The following VPS13B variants were observed in gnomAD, a reference collection of about 807,000 sequenced individuals.
The protein encoded by VPS13B is intermembrane lipid transfer protein VPS13B.
In VPS13B, 285 loss-of-function variants were observed where a neutral mutation model predicts 426.4. The ratio of observed to expected loss-of-function variants is 0.67; its 90% CI spans 0.61 to 0.74. The LOEUF is 0.74. Ranked by LOEUF, VPS13B falls within the 30% of genes least tolerant of loss-of-function variation. VPS13B has a pLI of 0.00. For missense variants in VPS13B, 4,537 were observed against 4,782.6 expected, an observed-to-expected ratio of 0.95 and a Z score of 1.51; for synonymous variants, 1,676 against 1,676.4, an observed-to-expected ratio of 1.00 and a Z score of 0.01.
chr8:99,423,288 A>T (rs1408567806), intron 21 of VPS13B, among the ~76,000 whole-genome samples: 2 of 150,800 alleles, frequency 1.3e-5, no homozygotes, highest in South Asian at 4.2e-4. Flanking sequence ...AAACAGTCTC[A>T]CTCTGTTGCC....
chr8:99,652,844 A>G lies in VPS13B; in HGVS notation c.5909-8510A>G, dbSNP rs577446412. ...CTGCTGTGAACATTGCTTGCTGGCT[A>G]ATAATATGAAATAAAATTATTACTT... On this transcript the variant is annotated intron_variant, in intron 34 of 61. Coordinates refer to ENST00000357162, the MANE Select transcript of VPS13B (RefSeq NM_152564.5). Among the ~76,000 whole-genome samples the G allele has an allele frequency of 3.3e-5, 5 of 152,282 alleles. No individual in the cohort carries two copies. In the South Asian group the frequency reaches 1.0e-3, roughly 32 times the overall value.
intron 19 of VPS13B, among the ~76,000 whole-genome samples, chr8:99,376,512 T>C (rs1210192236): frequency 6.6e-6 from 1 of 152,146 alleles, no homozygotes; most frequent in Non-Finnish European, 1.5e-5. Flanking sequence ...GTGAAGTATT[T>C]TTAACTTTTT....
Position 99,114,936 on chromosome 8 carries a change from C to T in VPS13B, c.763-764C>T, listed in dbSNP as rs530706411. 3.4e-4 allele frequency among the ~76,000 whole-genome samples: 52 copies of T among 152,284 alleles called. No individual in the cohort carries two copies. The South Asian group carries it at 9.9e-3, about 29-fold the overall frequency. ...ACACTGAAGTTGTGTTTATATTCCA[C>T]TGATGTCTCTTTCTTTAAGGAGAGC... is the stretch of plus-strand genomic sequence containing the variant. On this transcript the variant is annotated intron_variant, in intron 6 of 61. Coordinates refer to ENST00000357162, the MANE Select transcript of VPS13B (RefSeq NM_152564.5).
At chr8:99,027,716 T>G (rs1390281706) in intron 2 of VPS13B, among the ~76,000 whole-genome samples, 1 of 152,016 alleles carries the variant, frequency 6.6e-6, no homozygotes, top group Non-Finnish European at 1.5e-5. Flanking sequence ...AATCTGCTGT[T>G]AGTTTTTTTT....
At chr8:99,863,663 C>CA (rs1317847711) in intron 58 of VPS13B, among the ~76,000 whole-genome samples, 1 of 152,166 alleles carries the variant, frequency 6.6e-6, no homozygotes, top group Non-Finnish European at 1.5e-5. Flanking sequence ...TGAGGAGTCA[C>CA]AAATCAGCCC....
intron 11 of VPS13B, 114 bp downstream of exon 11, chr8:99,135,847 T>C: frequency 1.4e-6 from 2 of 1,407,620 alleles, no homozygotes; most frequent in South Asian, 1.2e-5. Flanking sequence ...ATGCTAATTG[T>C]TTATTAAAAC....
At chr8:99,816,179 C>T (rs7824037) in intron 44 of VPS13B, among the ~76,000 whole-genome samples, 26,232 of 150,976 alleles carry the variant, frequency 0.17, 2,511 homozygotes, top group African/African-American at 0.26. Context: ...CTCGGCTCAC[C>T]GCAACCTCCA....
intron 37 of VPS13B, 64 bp downstream of exon 37, chr8:99,717,437 C>T: frequency 5.0e-6 from 7 of 1,410,716 alleles, no homozygotes; most frequent in Non-Finnish European, 7.0e-6. Context: ...ATTTTTTGAA[C>T]TGTTTCACTA....
At chr8:99,200,173 G>A (rs919631351) in intron 17 of VPS13B, among the ~76,000 whole-genome samples, 2 of 152,104 alleles carry the variant, frequency 1.3e-5, no homozygotes, top group Non-Finnish European at 2.9e-5. Context: ...GCATATTAGT[G>A]CATTTTTCCA....
At chr8:99,542,181 G>A (rs577288040) in intron 30 of VPS13B, among the ~76,000 whole-genome samples, 2 of 152,152 alleles carry the variant, frequency 1.3e-5, no homozygotes, top group Non-Finnish European at 2.9e-5. Context: ...GAGCCACCGT[G>A]CCTGGCCTAA....
chr8:99,408,376 A>G (rs1296166363), intron 21 of VPS13B, among the ~76,000 whole-genome samples: 2 of 152,190 alleles, frequency 1.3e-5, no homozygotes, highest in Admixed American at 6.5e-5. Context: ...GGTCAAATTC[A>G]GGATCTATTT....
At chr8:99,364,364 G>A (rs1484183995) in intron 19 of VPS13B, among the ~76,000 whole-genome samples, 1 of 151,806 alleles carries the variant, frequency 6.6e-6, no homozygotes, top group African/African-American at 2.4e-5. Flanking sequence ...TGCTGAATTT[G>A]GTTTGCTATT....
chr8:99,560,508 T>TA (rs1331584633), intron 31 of VPS13B, among the ~76,000 whole-genome samples: 1 of 152,190 alleles, frequency 6.6e-6, no homozygotes, highest in Non-Finnish European at 1.5e-5. Context: ...TTCATTGATT[T>TA]ATCCCTAGAA....
chr8:99,664,007 A>AT lies in VPS13B; in HGVS notation c.6046+2533dup, dbSNP rs202131297. Among the ~76,000 whole-genome samples, 1,392 of 141,520 alleles carry AT rather than the reference A, an allele frequency of 9.8e-3. 11 individuals carry two copies. Among genetic ancestry groups the AT allele is most frequent in the Middle Eastern group, 0.029 (8 of 280 alleles). 92.8% of individuals were successfully genotyped at this position (141,520 alleles called of 152,430 possible). On this transcript the variant is annotated intron_variant, in intron 35 of 61. Coordinates refer to ENST00000357162, the MANE Select transcript of VPS13B (RefSeq NM_152564.5). ...AACATGACTCAGTATTAGAAATGTG[A>AT]TTTTTTTTTTTTTTTTTGAGATGGA...
At chr8:99,421,195 C>G (rs1287771714) in intron 21 of VPS13B, among the ~76,000 whole-genome samples, 1 of 152,000 alleles carries the variant, frequency 6.6e-6, no homozygotes, top group Non-Finnish European at 1.5e-5. Context: ...TCATATTGTA[C>G]CAAGTTGAAT....
At chr8:99,652,547 G>A (rs1829862149) in intron 34 of VPS13B, among the ~76,000 whole-genome samples, 1 of 151,776 alleles carries the variant, frequency 6.6e-6, no homozygotes, top group Non-Finnish European at 1.5e-5. Flanking sequence ...TACAGTAATT[G>A]AGGGTTTTTT....
chr8:99,320,116 T>A (rs1809896352), intron 19 of VPS13B, among the ~76,000 whole-genome samples: 1 of 152,152 alleles, frequency 6.6e-6, no homozygotes, highest in African/African-American at 2.4e-5. Flanking sequence ...GAATCTTAGA[T>A]GAGAATGCTT....
chr8:99,600,193 A>G (rs78535066), intron 33 of VPS13B, among the ~76,000 whole-genome samples: 1 of 152,136 alleles, frequency 6.6e-6, no homozygotes, highest in Admixed American at 6.6e-5. Context: ...AGTGTTTTAT[A>G]TAGGTTAACT....
chr8:99,178,712 C>T (rs1812776545), intron 16 of VPS13B, among the ~76,000 whole-genome samples: 1 of 152,004 alleles, frequency 6.6e-6, no homozygotes, highest in South Asian at 2.1e-4. Flanking sequence ...ACCTCTATCT[C>T]CTGGGTTCAA....
Sources: allele counts gnomAD v4.1 joint callset (sites outside exome capture counted in the v4.1 genomes callset), GRCh38; gene constraint gnomAD v4.1.1; transcripts MANE v1.5; gene names NCBI Gene and HGNC (gene_info 2026-07-23, HGNC 2026-07-21).